NALF1: variants seen among roughly 807,000 people sequenced by gnomAD.
NALF1 encodes the protein family with sequence similarity 155 member A.
Under a neutral mutation model 48.4 loss-of-function variants are expected in NALF1, and 3 were observed. The observed-to-expected ratio is 0.06, with a 90% CI of 0.03 to 0.16. The LOEUF (loss-of-function observed/expected upper bound fraction) is 0.16, where lower values mean the gene tolerates loss of function less well. NALF1 is among the 10% of genes least tolerant of loss of function. The pLI, the probability that NALF1 is intolerant of heterozygous loss-of-function variation, is 1.00. For missense variants in NALF1, 526 were observed against 571.5 expected (o/e 0.92, Z 0.81); for synonymous variants, 262 against 245.7 (o/e 1.07, Z -0.62).
chr13:107,785,184 T>A (rs540673512), intron 1 of NALF1, among the ~76,000 whole-genome samples: 1 of 151,864 alleles, frequency 6.6e-6, no homozygotes, highest in African/African-American at 2.4e-5. Context: ...TAAAAACCAT[T>A]TACTGTGAGA....
intron 1 of NALF1, among the ~76,000 whole-genome samples, chr13:107,228,199 G>A (rs920980565): frequency 2.0e-5 from 3 of 152,160 alleles, no homozygotes; most frequent in African/African-American, 7.2e-5. Flanking sequence ...ACAATGAAAG[G>A]TAATGAAGCA....
At chr13:107,825,805 C>G (rs932773599) in intron 1 of NALF1, among the ~76,000 whole-genome samples, 1 of 151,100 alleles carries the variant, frequency 6.6e-6, no homozygotes, top group Non-Finnish European at 1.5e-5. Context: ...TTTTGTGAGG[C>G]AGTCTCGCTC....
intron 1 of NALF1, among the ~76,000 whole-genome samples, chr13:107,712,082 A>T (rs1310743029): frequency 4.6e-5 from 7 of 152,176 alleles, no homozygotes; most frequent in African/African-American, 1.7e-4. Context: ...CACACTAAAA[A>T]AAAAAACCTT....
intron 1 of NALF1, among the ~76,000 whole-genome samples, chr13:107,488,544 G>A (rs1885366163): frequency 6.6e-6 from 1 of 152,082 alleles, no homozygotes; most frequent in African/African-American, 2.4e-5. Flanking sequence ...CTCAATAGAT[G>A]CAGAAAAGTC....
rs1333325818 is a variant in NALF1 at position 107,778,890 on chromosome 13, A to G, written c.915+86792T>C. Among the ~76,000 whole-genome samples, 10 of 152,220 alleles carry G rather than the reference A, an allele frequency of 6.6e-5. 1 individual carries two copies. The South Asian group carries it at 2.1e-3, about 32-fold the overall frequency. On this transcript the variant is annotated intron_variant, in intron 1 of 2. Transcript: ENST00000375915. Reference sequence around the variant, plus strand: ...CTCACTATCCAACTATCACCTCCAAAACCTATATGTATTAACCATAAACTA... The same window carrying G: ...CTCACTATCCAACTATCACCTCCAAGACCTATATGTATTAACCATAAACTA...
At chr13:107,820,101 CTGCAG>C (rs908786016) in intron 1 of NALF1, among the ~76,000 whole-genome samples, 4 of 152,332 alleles carry the variant, frequency 2.6e-5, no homozygotes, top group Non-Finnish European at 2.9e-5. Context: ...ACCCTTCTTT[CTGCAG>C]GAAGAAGTTC....
intron 1 of NALF1, among the ~76,000 whole-genome samples, chr13:107,463,052 C>T (rs982325936): frequency 5.3e-5 from 8 of 152,026 alleles, no homozygotes; most frequent in South Asian, 2.1e-4. Flanking sequence ...ATAGTTCCGA[C>T]GGATTGAGGG....
intron 1 of NALF1, among the ~76,000 whole-genome samples, chr13:107,554,004 G>A (rs780241558): frequency 1.2e-4 from 18 of 152,166 alleles, no homozygotes; most frequent in Admixed American, 6.5e-4. Flanking sequence ...TTACTTCATG[G>A]CTACATGCCA....
At chr13:107,792,997 G>T (rs900388152) in intron 1 of NALF1, among the ~76,000 whole-genome samples, 1 of 152,122 alleles carries the variant, frequency 6.6e-6, no homozygotes, top group African/African-American at 2.4e-5. Flanking sequence ...TAGCTCCAAT[G>T]TCCTTAATTT....
intron 1 of NALF1, among the ~76,000 whole-genome samples, chr13:107,298,728 C>T (rs1419809668): frequency 6.6e-6 from 1 of 152,140 alleles, no homozygotes; most frequent in Non-Finnish European, 1.5e-5. Context: ...CTGCACCTGG[C>T]CACACATATG....
chr13:107,523,420 G>A (rs939807587), intron 1 of NALF1, among the ~76,000 whole-genome samples: 3 of 151,852 alleles, frequency 2.0e-5, no homozygotes, highest in Non-Finnish European at 2.9e-5. Flanking sequence ...TGTGCACAAC[G>A]TGCAGGTTTG....
intron 1 of NALF1, among the ~76,000 whole-genome samples, chr13:107,392,127 C>A (rs1471119408): frequency 6.6e-6 from 1 of 152,050 alleles, no homozygotes; most frequent in Non-Finnish European, 1.5e-5. Context: ...AATTGTCTTC[C>A]CTTGTTTCTG....
At chr13:107,612,566 C>CT (rs945968410) in intron 1 of NALF1, among the ~76,000 whole-genome samples, 7 of 152,036 alleles carry the variant, frequency 4.6e-5, no homozygotes, top group Non-Finnish European at 7.4e-5. Context: ...GTGGGTGGGC[C>CT]TTGTGCGATC....
At chr13:107,512,849 C>T (rs1403206907) in intron 1 of NALF1, among the ~76,000 whole-genome samples, 3 of 152,056 alleles carry the variant, frequency 2.0e-5, no homozygotes, top group Non-Finnish European at 4.4e-5. Flanking sequence ...TGCTTCCACC[C>T]GCTCCCTTTT....
intron 1 of NALF1, among the ~76,000 whole-genome samples, chr13:107,553,515 G>A (rs989018718): frequency 1.3e-5 from 2 of 152,048 alleles, no homozygotes; most frequent in Non-Finnish European, 2.9e-5. Context: ...CCTTTCAATT[G>A]CTTCTGAAGT....
intron 1 of NALF1, among the ~76,000 whole-genome samples, chr13:107,857,828 CA>C (rs1880475131): frequency 2.0e-5 from 3 of 152,164 alleles, no homozygotes; most frequent in Admixed American, 6.5e-5. Flanking sequence ...TATGAGATCT[CA>C]AGTGAGGACT....
At chr13:107,509,872 CT>C (rs1875824552) in intron 1 of NALF1, among the ~76,000 whole-genome samples, 1 of 152,072 alleles carries the variant, frequency 6.6e-6, no homozygotes, top group African/African-American at 2.4e-5. Flanking sequence ...GTGGTGCAAT[CT>C]CAGCTCACTG....
At chr13:107,714,663 T>A (rs1875700068) in intron 1 of NALF1, among the ~76,000 whole-genome samples, 1 of 148,290 alleles carries the variant, frequency 6.7e-6, no homozygotes, top group African/African-American at 2.5e-5. Context: ...GGGAAACTTT[T>A]TAATCTGAAC....
At chr13:107,683,979 AC>A (rs1881367336) in intron 1 of NALF1, among the ~76,000 whole-genome samples, 2 of 152,126 alleles carry the variant, frequency 1.3e-5, no homozygotes, top group African/African-American at 4.8e-5. Context: ...CAATAGGCCA[AC>A]CCTGGAGCCA....
Sources: gnomAD v4.1 joint callset for allele counts (sites outside exome capture counted in the v4.1 genomes callset) on GRCh38, gnomAD v4.1.1 for gene constraint, MANE v1.5 for transcripts, NCBI Gene and HGNC (gene_info 2026-07-23, HGNC 2026-07-21) for gene names.